The following NAMPT variants were observed in gnomAD, a reference collection of about 807,000 sequenced individuals.
NAMPT encodes the protein nicotinamide phosphoribosyltransferase.
Under a neutral mutation model 58.7 loss-of-function variants are expected in NAMPT, and 7 were observed. That is an observed-to-expected ratio of 0.12 (90% confidence interval 0.07 to 0.22). The LOEUF (loss-of-function observed/expected upper bound fraction) is 0.22, where lower values mean the gene tolerates loss of function less well. Among genes scored for constraint, NAMPT ranks in the 10% least tolerant of loss-of-function variants. The probability of loss-of-function intolerance (pLI) is 1.00; values close to 1 mark genes in which losing one functional copy is unlikely to be tolerated. For missense variants in NAMPT, 271 were observed against 567.9 expected (o/e 0.48, Z 5.31); for synonymous variants, 145 against 198.1 (o/e 0.73, Z 2.25).
At chr7:106,285,255 A>G, upstream of NAMPT, 4 of 880,836 alleles carry the variant, frequency 4.5e-6, no homozygotes, top group South Asian at 8.8e-5. Flanking sequence ...TCTTCCTCCC[A>G]GACGCCAGCT....
chr7:106,258,911 T>G (rs931301237), intron 8 of NAMPT, among the ~76,000 whole-genome samples: 1 of 150,930 alleles, frequency 6.6e-6, no homozygotes, highest in Admixed American at 6.6e-5. Flanking sequence ...TCACGTCAAT[T>G]GACTCTATCA....
At chr7:106,272,476 G>T in intron 4 of NAMPT, 54 bp downstream of exon 4, 2 of 1,495,536 alleles carry the variant, frequency 1.3e-6, no homozygotes, top group Non-Finnish European at 1.8e-6. Context: ...TGTAATCTCA[G>T]TTCAATGGTC....
At chr7:106,258,027 G>C (rs1792237263) in intron 8 of NAMPT, among the ~76,000 whole-genome samples, 1 of 152,234 alleles carries the variant, frequency 6.6e-6, no homozygotes, top group Admixed American at 6.5e-5. Flanking sequence ...AATTAGGTGT[G>C]TCAGCTGAGA....
At chr7:106,284,989 G>C (rs1792843707), upstream of NAMPT, 5 of 1,477,868 alleles carry the variant, frequency 3.4e-6, no homozygotes, top group Non-Finnish European at 4.5e-6. Context: ...TCACTGCTCG[G>C]TCGGCGGAGG....
intron 1 of NAMPT, among the ~76,000 whole-genome samples, chr7:106,282,620 C>A (rs189325910): frequency 2.0e-4 from 30 of 152,298 alleles, no homozygotes; most frequent in African/African-American, 7.0e-4. Flanking sequence ...TCAAATGCTC[C>A]TTTGGTCCAA....
intron 6 of NAMPT, among the ~76,000 whole-genome samples, chr7:106,267,637 C>G (rs1022869194): frequency 6.6e-6 from 1 of 151,140 alleles, no homozygotes; most frequent in Non-Finnish European, 1.5e-5. Flanking sequence ...GTCAGGAGAT[C>G]GAGACCATCC....
At chr7:106,257,572 A>C (rs898834137) in intron 8 of NAMPT, among the ~76,000 whole-genome samples, 4 of 151,726 alleles carry the variant, frequency 2.6e-5, no homozygotes, top group Non-Finnish European at 5.9e-5. Flanking sequence ...TTGAGGCTGC[A>C]GTGAGCTGTG....
chr7:106,276,428 C>CTA (rs1792644785), intron 2 of NAMPT: 1 of 152,190 alleles, frequency 6.6e-6, no homozygotes, highest in African/African-American at 2.4e-5. Context: ...ATTCTGATTG[C>CTA]TACCATAATT....
rs1179629243 is a variant in NAMPT at position 106,249,767 on chromosome 7, T to C, written c.*1316A>G. ...TCCAAATTTGGCCTTTGGGCTATAG[T>C]TGGCCAACCGCTGCCTCAGAAGAAC... is the stretch of plus-strand genomic sequence containing the variant. On this transcript the variant is annotated 3_prime_UTR_variant, in exon 11 of 11. Coordinates refer to ENST00000222553, the MANE Select transcript of NAMPT (RefSeq NM_005746.3). The C allele has an allele frequency of 6.6e-6, 1 of 152,024 alleles. No homozygotes were observed. The highest frequency in any genetic ancestry group is 2.4e-5 in the African/African-American group (1 of 41,410). 9.4% of individuals were successfully genotyped at this position (152,024 alleles called of 1,614,324 possible).
intron 7 of NAMPT, among the ~76,000 whole-genome samples, chr7:106,262,679 T>C (rs531191838): frequency 6.6e-6 from 1 of 152,274 alleles, no homozygotes; most frequent in African/African-American, 2.4e-5. Context: ...ACTGGATATC[T>C]GACTCCTTAT....
At chr7:106,255,355 TCAAA>T (rs143279785) in intron 8 of NAMPT, among the ~76,000 whole-genome samples, 5,753 of 152,306 alleles carry the variant, frequency 0.038, 123 homozygotes, top group Middle Eastern at 0.12. Flanking sequence ...ATGAGAATAG[TCAAA>T]CAGAAAGCAA....
At chr7:106,257,879 C>T (rs1009570470) in intron 8 of NAMPT, among the ~76,000 whole-genome samples, 1 of 139,248 alleles carries the variant, frequency 7.2e-6, no homozygotes, top group Non-Finnish European at 1.6e-5. Context: ...TGTTCTTTCA[C>T]CTGCAAGGGG....
intron 8 of NAMPT, among the ~76,000 whole-genome samples, chr7:106,258,303 AT>A (rs1792244363): frequency 6.6e-6 from 1 of 152,094 alleles, no homozygotes; most frequent in Non-Finnish European, 1.5e-5. Context: ...GAGAAGTATT[AT>A]GTACAACAAT....
At chr7:106,265,946 G>C (rs1196711482) in intron 6 of NAMPT, among the ~76,000 whole-genome samples, 2 of 152,126 alleles carry the variant, frequency 1.3e-5, no homozygotes, top group African/African-American at 4.8e-5. Flanking sequence ...TAAATTTATA[G>C]AGTTCTCTTA....
At chr7:106,272,681 T>G in intron 3 of NAMPT, 23 bp from the exon 4 acceptor site, 1 of 1,611,054 alleles carries the variant, frequency 6.2e-7, no homozygotes, top group Non-Finnish European at 8.5e-7. Context: ...AATGATAAAT[T>G]TATTTATTCA....
chr7:106,284,690 TC>T, intron 1 of NAMPT, 137 bp downstream of exon 1: 2 of 1,016,542 alleles, frequency 2.0e-6, no homozygotes, highest in Non-Finnish European at 2.4e-6. Context: ...CGCCCGCGCC[TC>T]CCCCGGGCCT....
At chr7:106,257,686 G>A (rs1792227186) in intron 8 of NAMPT, among the ~76,000 whole-genome samples, 1 of 151,756 alleles carries the variant, frequency 6.6e-6, no homozygotes, top group South Asian at 2.1e-4. Context: ...AAGAAAAGAA[G>A]GAAAAGAAAG....
At chr7:106,274,202 T>C (rs1792589950) in intron 3 of NAMPT, among the ~76,000 whole-genome samples, 1 of 151,790 alleles carries the variant, frequency 6.6e-6, no homozygotes, top group African/African-American at 2.4e-5. Context: ...CCCAGAATTA[T>C]GTGTAGTGAT....
chr7:106,268,788 T>A lies in NAMPT; in HGVS notation c.607-188A>T, dbSNP rs569712628. ...AAGATTCAGTTTTTCCTAAATATTT[T>A]AAAAAATCAACTATTATCTCCTCAA... On this transcript the variant is annotated intron_variant, in intron 5 of 10. Coordinates refer to ENST00000222553, the MANE Select transcript of NAMPT (RefSeq NM_005746.3). Among the ~76,000 whole-genome samples the A allele has an allele frequency of 2.3e-4, 35 of 152,280 alleles. No individual in the cohort carries two copies. The South Asian group carries it at 4.8e-3, about 21-fold the overall frequency.
Sources: allele counts gnomAD v4.1 joint callset (sites outside exome capture counted in the v4.1 genomes callset), GRCh38; gene constraint gnomAD v4.1.1; transcripts MANE v1.5; gene names NCBI Gene and HGNC (gene_info 2026-07-23, HGNC 2026-07-21).